The following DEPTOR variants were observed in gnomAD, a reference collection of about 807,000 sequenced individuals.
DEPTOR encodes DEP domain-containing mTOR-interacting protein.
A neutral mutation model predicts 41.6 loss-of-function variants in DEPTOR; 41 were observed. The observed-to-expected ratio is 0.98, with a 90% CI of 0.77 to 1.28. The LOEUF is 1.28. Ranked by LOEUF, DEPTOR falls within the 50% of genes most tolerant of loss-of-function variation. The pLI, the probability that DEPTOR is intolerant of heterozygous loss-of-function variation, is 0.00. For synonymous variants in DEPTOR, 195 were observed against 192.3 expected, an observed-to-expected ratio of 1.01 and a Z score of -0.12; for missense variants, 514 against 527.9, an observed-to-expected ratio of 0.97 and a Z score of 0.26.
intron 4 of DEPTOR, among the ~76,000 whole-genome samples, chr8:119,994,828 A>G (rs1812232887): frequency 6.6e-6 from 1 of 151,670 alleles, no homozygotes; most frequent in South Asian, 2.1e-4. Flanking sequence ...GAGGCAGGAG[A>G]ATTGCTTGAA....
chr8:119,977,377 C>A (rs755808874), intron 4 of DEPTOR, among the ~76,000 whole-genome samples: 1 of 151,726 alleles, frequency 6.6e-6, no homozygotes, highest in Non-Finnish European at 1.5e-5. Flanking sequence ...CCTAAATGTT[C>A]AACTTTGAAC....
intron 8 of DEPTOR, among the ~76,000 whole-genome samples, chr8:120,016,292 A>AT (rs879364652): frequency 3.0e-4 from 43 of 145,740 alleles, no homozygotes; most frequent in East Asian, 6.0e-4. Flanking sequence ...CAATGTATGA[A>AT]TTTTTTTTTT....
chr8:120,034,951 A>G (rs933365744), intron 8 of DEPTOR, among the ~76,000 whole-genome samples: 11 of 152,246 alleles, frequency 7.2e-5, no homozygotes, highest in Admixed American at 7.2e-4. Context: ...GAGATCAGGG[A>G]GGAAGTTTGT....
intron 4 of DEPTOR, among the ~76,000 whole-genome samples, chr8:119,983,479 G>A (rs1187298944): frequency 6.6e-6 from 1 of 152,064 alleles, no homozygotes; most frequent in Non-Finnish European, 1.5e-5. Flanking sequence ...CTGCCTTCCA[G>A]GTTCAAGCGA....
chr8:119,895,789 T>G (rs1390169650), intron 1 of DEPTOR, among the ~76,000 whole-genome samples: 20 of 152,202 alleles, frequency 1.3e-4, no homozygotes, highest in Non-Finnish European at 5.9e-5. Flanking sequence ...TATTCATTCA[T>G]ATATCCAGGG....
At chr8:119,963,038 A>C (rs543100691) in intron 3 of DEPTOR, among the ~76,000 whole-genome samples, 1 of 152,286 alleles carries the variant, frequency 6.6e-6, no homozygotes, top group South Asian at 2.1e-4. Context: ...TGAGAAATCT[A>C]TGTGGATGCA....
intron 4 of DEPTOR, among the ~76,000 whole-genome samples, chr8:119,977,420 A>G (rs896239340): frequency 6.6e-6 from 1 of 152,026 alleles, no homozygotes; most frequent in African/African-American, 2.4e-5. Flanking sequence ...GTATTTTCTC[A>G]ATCTACTTTC....
rs58758138 is a variant in DEPTOR, at chr8:119,931,958, G to GATTATTATT, written c.425+2048_425+2056dup. Among the ~76,000 whole-genome samples the GATTATTATT allele has an allele frequency of 5.5e-3, 779 of 142,678 alleles. 1 individual carries two copies. The highest frequency in any genetic ancestry group is 8.9e-3 in the African/African-American group (349 of 39,052). 93.6% of individuals were successfully genotyped at this position (142,678 alleles called of 152,430 possible). Reference sequence around the variant, plus strand: ...TTTTCCTTTTTTTTTAATTAAAAAAGATTATTATTATTATTATTATTATTA... The same window carrying GATTATTATT: ...TTTTCCTTTTTTTTTAATTAAAAAAGATTATTATTATTATTATTATTATTATTATTATTA... On this transcript the variant is annotated intron_variant, in intron 3 of 8. Transcript: ENST00000286234.
intron 4 of DEPTOR, among the ~76,000 whole-genome samples, chr8:119,991,030 T>TTTTTCTTTCTTTC (rs1812150883): frequency 3.7e-5 from 2 of 53,706 alleles, no homozygotes; most frequent in East Asian, 4.9e-4. Flanking sequence ...TCGGGTTTTC[T>TTTTTCTTTCTTTC]TTTCTTTCTT....
chr8:119,988,376 T>C (rs1261705011), intron 4 of DEPTOR, among the ~76,000 whole-genome samples: 2 of 152,194 alleles, frequency 1.3e-5, no homozygotes, highest in East Asian at 3.9e-4. Context: ...ATGAACCGGG[T>C]ACCTCAGTTG....
chr8:119,939,875 G>T (rs541921409), intron 3 of DEPTOR, among the ~76,000 whole-genome samples: 1 of 151,780 alleles, frequency 6.6e-6, no homozygotes, highest in South Asian at 2.1e-4. Context: ...AATGTAAGAT[G>T]GTGCAGCAGT....
chr8:119,905,987 A>C (rs1030101116), intron 1 of DEPTOR, among the ~76,000 whole-genome samples: 8 of 152,126 alleles, frequency 5.3e-5, no homozygotes, highest in Non-Finnish European at 8.8e-5. Context: ...CAGAGACAGC[A>C]TCTCGCTATG....
intron 1 of DEPTOR, among the ~76,000 whole-genome samples, chr8:119,922,633 G>C (rs544834305): frequency 1.3e-4 from 20 of 152,228 alleles, no homozygotes; most frequent in African/African-American, 4.8e-4. Context: ...TTTTAGAATT[G>C]ACTGCCTCAG....
At chr8:119,886,246 T>G (rs1353126085) in intron 1 of DEPTOR, among the ~76,000 whole-genome samples, 1 of 152,192 alleles carries the variant, frequency 6.6e-6, no homozygotes, top group African/African-American at 2.4e-5. Flanking sequence ...TTCCAGCCAG[T>G]GGTAGAACAG....
intron 1 of DEPTOR, among the ~76,000 whole-genome samples, chr8:119,922,987 A>G (rs1195364068): frequency 6.6e-6 from 1 of 151,432 alleles, no homozygotes; most frequent in Non-Finnish European, 1.5e-5. Context: ...GCACTTCTTG[A>G]AACACCATCC....
At chr8:120,028,201 G>C (rs1812829760) in intron 8 of DEPTOR, among the ~76,000 whole-genome samples, 1 of 151,880 alleles carries the variant, frequency 6.6e-6, no homozygotes, top group African/African-American at 2.4e-5. Flanking sequence ...TGTCACCCAG[G>C]CTGGCATGCA....
chr8:119,890,665 G>A (rs1490918712), intron 1 of DEPTOR, among the ~76,000 whole-genome samples: 1 of 152,120 alleles, frequency 6.6e-6, no homozygotes, highest in African/African-American at 2.4e-5. Context: ...TGATAGCAAT[G>A]TTGTCATGTC....
intron 8 of DEPTOR, among the ~76,000 whole-genome samples, chr8:120,025,983 T>C (rs1303621313): frequency 9.8e-6 from 1 of 101,772 alleles, no homozygotes; most frequent in South Asian, 3.4e-4. Context: ...CTTAGGACTT[T>C]TGATTTTTTT....
Position 119,929,808 on chromosome 8 carries a change from G to A in DEPTOR, c.302-7G>A, listed in dbSNP as rs200605077. 1.9e-6 allele frequency: 3 copies of A among 1,603,766 alleles called. No homozygotes were observed. Among genetic ancestry groups the A allele is most frequent in the African/African-American group, 2.7e-5 (2 of 74,776 alleles). ...TCATTTGCTTCTCTGTGCATATTGTGTTTCAGTGTGTGATGAGCATAAGGA... is the reference window on the plus strand; with the variant it reads ...TCATTTGCTTCTCTGTGCATATTGTATTTCAGTGTGTGATGAGCATAAGGA... On this transcript the variant is annotated splice_region_variant and splice_polypyrimidine_tract_variant and intron_variant, in intron 2 of 8. Coordinates refer to ENST00000286234, the MANE Select transcript of DEPTOR (RefSeq NM_022783.4).
Sources: gnomAD v4.1 joint callset for allele counts (sites outside exome capture counted in the v4.1 genomes callset) on GRCh38, gnomAD v4.1.1 for gene constraint, MANE v1.5 for transcripts, NCBI Gene and HGNC (gene_info 2026-07-23, HGNC 2026-07-21) for gene names.